The following SAXO3 variants were observed in gnomAD, a reference collection of about 807,000 sequenced individuals.
SAXO3 encodes stabilizer of axonemal microtubules 3.
the SAXO3 span, chr19:49,020,261 A>G: frequency 1.5e-4 from 71 of 467,626 alleles, no homozygotes; most frequent in Non-Finnish European, 2.5e-4. Context: ...TCAGACCCAG[A>G]ACTCCAGGAC....
the SAXO3 span, chr19:49,019,776 G>A: frequency 8.2e-7 from 1 of 1,226,920 alleles, no homozygotes; most frequent in Non-Finnish European, 1.1e-6. Context: ...GGTACTTTGT[G>A]GTCAGTGGGA....
chr19:49,019,605 A>C, the SAXO3 span: 1 of 1,244,744 alleles, frequency 8.0e-7, no homozygotes, highest in Non-Finnish European at 1.0e-6. Context: ...AGGCTCCCGG[A>C]GCTCCGCCCC....
the SAXO3 span, chr19:49,018,764 G>A: frequency 1.0e-6 from 1 of 957,344 alleles, no homozygotes; most frequent in Non-Finnish European, 1.6e-6. Flanking sequence ...TACAGAAGTC[G>A]AGGCTGAGAC....
the SAXO3 span, chr19:49,019,831 C>G: frequency 8.0e-7 from 1 of 1,253,802 alleles, no homozygotes; most frequent in Non-Finnish European, 1.1e-6. Flanking sequence ...GACCCAGAGA[C>G]TCACGTGAAG....
chr19:49,019,507 G>C, the SAXO3 span: 10 of 1,179,428 alleles, frequency 8.5e-6, no homozygotes, highest in Non-Finnish European at 1.1e-5. Context: ...CTAATGCCCA[G>C]CCCCTCCCCC....
the SAXO3 span, chr19:49,019,954 AGGCTCTGG>A: frequency 1.7e-5 from 25 of 1,511,892 alleles, no homozygotes; most frequent in African/African-American, 4.2e-5. Context: ...TGGGGTCTGC[AGGCTCTGG>A]GGCTCTGGGC....
chr19:49,020,345 C>A, the SAXO3 span: 6 of 413,348 alleles, frequency 1.5e-5, no homozygotes, highest in Admixed American at 2.1e-4. Context: ...TCTCCAGGCC[C>A]GGCAGGGCTG....
the SAXO3 span, chr19:49,020,344 C>G: frequency 2.4e-6 from 1 of 414,172 alleles, no homozygotes; most frequent in Admixed American, 4.2e-5. Context: ...GTCTCCAGGC[C>G]CGGCAGGGCT....
At chr19:49,019,667 G>T in the SAXO3 span, 1 of 1,252,234 alleles carries the variant, frequency 8.0e-7, no homozygotes, top group Non-Finnish European at 1.0e-6. Context: ...CCCCCGCGGT[G>T]GTGGTCTGCG....
chr19:49,018,343 G>A, the SAXO3 span: 101 of 1,218,416 alleles, frequency 8.3e-5, no homozygotes, highest in African/African-American at 1.5e-3. Context: ...GCTCCGTCCT[G>A]TGGGAGCAGG....
At chr19:49,019,848 G>A in the SAXO3 span, 4 of 1,286,400 alleles carry the variant, frequency 3.1e-6, no homozygotes, top group Non-Finnish European at 4.2e-6. Flanking sequence ...GAAGGAGCAG[G>A]GGACTCAAAT....
At chr19:49,018,274 CT>C in the SAXO3 span, 1 of 1,080,248 alleles carries the variant, frequency 9.3e-7, no homozygotes, top group Non-Finnish European at 1.2e-6. Context: ...GGCTCCAGAC[CT>C]GGGGCGTCTC....
chr19:49,019,280 A>T, the SAXO3 span: 5 of 1,229,256 alleles, frequency 4.1e-6, no homozygotes, highest in South Asian at 1.2e-4. Flanking sequence ...CACCAAAAAC[A>T]ACCTCCCTGG....
the SAXO3 span, chr19:49,019,388 C>G: frequency 8.0e-7 from 1 of 1,251,832 alleles, no homozygotes; most frequent in Non-Finnish European, 1.0e-6. Flanking sequence ...CACCTGACCC[C>G]GTCTCAGAAT....
chr19:49,018,793 G>T, the SAXO3 span: 1 of 1,258,654 alleles, frequency 7.9e-7, no homozygotes, highest in African/African-American at 1.5e-5. Context: ...CAGGGAATGG[G>T]AGCCAGCCCA....
chr19:49,020,133 A>C, the SAXO3 span: 1,721 of 771,642 alleles, frequency 2.2e-3, 32 homozygotes, highest in African/African-American at 0.029. Context: ...GCCGCACATC[A>C]GCTAGAAAGA....
At chr19:49,017,981 G>A in the SAXO3 span, 1 of 398,578 alleles carries the variant, frequency 2.5e-6, no homozygotes, top group Non-Finnish European at 4.4e-6. Context: ...CACCAGCGCC[G>A]GCTTCAAGCT....
chr19:49,018,253 C>A, the SAXO3 span: 3 of 941,942 alleles, frequency 3.2e-6, no homozygotes, highest in Admixed American at 4.3e-5. Flanking sequence ...AGGGCGGCCG[C>A]TGCGGGCCGT....
chr19:49,018,261 C>T, the SAXO3 span: 1 of 989,662 alleles, frequency 1.0e-6, no homozygotes, highest in African/African-American at 1.7e-5. Context: ...CGCTGCGGGC[C>T]GTGGCTCCAG....
Sources: allele counts gnomAD v4.1 joint callset, GRCh38; gene constraint gnomAD v4.1.1; transcripts MANE v1.5; gene names NCBI Gene and HGNC (gene_info 2026-07-23, HGNC 2026-07-21).